The following CTNNA2 variants were observed in gnomAD, a reference collection of about 807,000 sequenced individuals.
The protein encoded by CTNNA2 is catenin alpha 2.
Under a neutral mutation model 101.0 loss-of-function variants are expected in CTNNA2, and 42 were observed. The ratio of observed to expected loss-of-function variants is 0.42; its 90% CI spans 0.32 to 0.54. The LOEUF (loss-of-function observed/expected upper bound fraction) is 0.54, where lower values mean the gene tolerates loss of function less well. Ranked by LOEUF, CTNNA2 falls within the 20% of genes least tolerant of loss-of-function variation. The pLI is 0.14. For synonymous variants in CTNNA2, 450 were observed against 456.4 expected (o/e 0.99, Z 0.18); for missense variants, 871 against 1,223.1 (o/e 0.71, Z 4.29).
chr2:80,064,852 T>G (rs1697863432), intron 7 of CTNNA2, among the ~76,000 whole-genome samples: 1 of 152,168 alleles, frequency 6.6e-6, no homozygotes, highest in Admixed American at 6.5e-5. Flanking sequence ...TACCTCTTAA[T>G]GGAAAGCATG....
chr2:80,347,133 C>T (rs1041622936), intron 7 of CTNNA2, among the ~76,000 whole-genome samples: 2 of 152,182 alleles, frequency 1.3e-5, no homozygotes, highest in East Asian at 1.9e-4. Context: ...TAGCAATCAG[C>T]GAGCACCGCA....
chr2:79,865,653 C>T (rs1363716462), intron 4 of CTNNA2, among the ~76,000 whole-genome samples: 1 of 152,170 alleles, frequency 6.6e-6, no homozygotes, highest in Non-Finnish European at 1.5e-5. Flanking sequence ...CCCCAGATGC[C>T]GACCTTATGG....
chr2:80,206,466 C>T (rs1707539853), intron 7 of CTNNA2, among the ~76,000 whole-genome samples: 1 of 152,188 alleles, frequency 6.6e-6, no homozygotes, highest in African/African-American at 2.4e-5. Flanking sequence ...CACATCACAT[C>T]CAATGTTCTT....
chr2:80,432,662 G>A (rs1011458939), intron 9 of CTNNA2, among the ~76,000 whole-genome samples: 1 of 152,094 alleles, frequency 6.6e-6, no homozygotes, highest in Admixed American at 6.5e-5. Context: ...TTTCTTGGAA[G>A]ATCAAAAGAA....
intron 7 of CTNNA2, among the ~76,000 whole-genome samples, chr2:80,306,766 T>G (rs1677066176): frequency 6.6e-6 from 1 of 150,816 alleles, no homozygotes. Flanking sequence ...GTACTGTGAG[T>G]ACACACCACC....
intron 2 of CTNNA2, among the ~76,000 whole-genome samples, chr2:79,274,027 A>G (rs1290102333): frequency 1.3e-5 from 2 of 152,074 alleles, no homozygotes; most frequent in Admixed American, 6.6e-5. Flanking sequence ...ATTTCTCTGC[A>G]TAAATATTTT....
chr2:79,886,074 A>G lies in CTNNA2; in HGVS notation c.852+11732A>G, dbSNP rs148394800. Among the ~76,000 whole-genome samples the G allele has an allele frequency of 2.9e-4, 44 of 152,316 alleles. No individual in the cohort carries two copies. In the East Asian group the frequency reaches 8.1e-3, roughly 28 times the overall value. On this transcript the variant is annotated intron_variant, in intron 6 of 18. Transcript: ENST00000402739. ...GAAAATACTTAGTAAACAGCTATAG[A>G]CGCTGCAATGCATAAATGCTGCTGC...
At chr2:79,911,676 T>C (rs1685812218) in intron 7 of CTNNA2, among the ~76,000 whole-genome samples, 1 of 152,258 alleles carries the variant, frequency 6.6e-6, no homozygotes, top group Non-Finnish European at 1.5e-5. Flanking sequence ...TTTGACATGG[T>C]TACAGACAAT....
At chr2:79,691,121 A>G (rs1684266284) in intron 2 of CTNNA2, among the ~76,000 whole-genome samples, 1 of 152,120 alleles carries the variant, frequency 6.6e-6, no homozygotes, top group African/African-American at 2.4e-5. Context: ...ACTCTGTAAA[A>G]CTATAATAAC....
At chr2:80,243,496 G>A (rs935855145) in intron 7 of CTNNA2, among the ~76,000 whole-genome samples, 1 of 152,084 alleles carries the variant, frequency 6.6e-6, no homozygotes, top group Non-Finnish European at 1.5e-5. Flanking sequence ...GTATTTTCTA[G>A]ACTTTTATAT....
intron 9 of CTNNA2, among the ~76,000 whole-genome samples, chr2:80,447,444 G>C (rs1683163688): frequency 6.6e-6 from 1 of 152,132 alleles, no homozygotes; most frequent in Non-Finnish European, 1.5e-5. Flanking sequence ...CTTGGTATGG[G>C]GTTGTTGTGT....
chr2:79,770,009 C>T (rs1673458422), intron 3 of CTNNA2, among the ~76,000 whole-genome samples: 1 of 152,104 alleles, frequency 6.6e-6, no homozygotes, highest in South Asian at 2.1e-4. Context: ...TAAATTGTTA[C>T]CTTACTGGCA....
chr2:80,323,958 CTT>C, intron 7 of CTNNA2, among the ~76,000 whole-genome samples: 1 of 152,140 alleles, frequency 6.6e-6, no homozygotes, highest in East Asian at 1.9e-4. Flanking sequence ...TTAATGACCT[CTT>C]TAAGCTTCCC....
At chr2:79,468,389 G>GA (rs1670961880) in intron 4 of CTNNA2, among the ~76,000 whole-genome samples, 2 of 152,116 alleles carry the variant, frequency 1.3e-5, no homozygotes, top group Non-Finnish European at 2.9e-5. Context: ...CAAGCCCTTA[G>GA]AGACCAACAA....
intron 3 of CTNNA2, among the ~76,000 whole-genome samples, chr2:79,806,841 C>A (rs917088045): frequency 4.6e-5 from 7 of 151,966 alleles, no homozygotes; most frequent in African/African-American, 1.7e-4. Flanking sequence ...CCCCACGTGC[C>A]TCATATAATA....
intron 7 of CTNNA2, among the ~76,000 whole-genome samples, chr2:80,040,236 A>C (rs1412676429): frequency 6.6e-6 from 1 of 152,226 alleles, no homozygotes; most frequent in Non-Finnish European, 1.5e-5. Flanking sequence ...ATTTATAAGC[A>C]ATATCACCTC....
At chr2:79,683,727 TGA>T (rs549478518) in intron 2 of CTNNA2, among the ~76,000 whole-genome samples, 1 of 124,660 alleles carries the variant, frequency 8.0e-6, no homozygotes. Flanking sequence ...CACACAATTG[TGA>T]GAGAGTTCCC....
At chr2:80,333,840 C>T (rs1389454144) in intron 7 of CTNNA2, among the ~76,000 whole-genome samples, 2 of 152,194 alleles carry the variant, frequency 1.3e-5, no homozygotes, top group Non-Finnish European at 2.9e-5. Flanking sequence ...CCAGTCTGGT[C>T]TCAAACTCCT....
chr2:79,541,363 C>T (rs1389112549), intron 1 of CTNNA2, among the ~76,000 whole-genome samples: 1 of 149,480 alleles, frequency 6.7e-6, no homozygotes, highest in Non-Finnish European at 1.5e-5. Flanking sequence ...ACAATGTTTA[C>T]ACATATGTAT....
Sources: allele counts gnomAD v4.1 joint callset (sites outside exome capture counted in the v4.1 genomes callset), GRCh38; gene constraint gnomAD v4.1.1; transcripts MANE v1.5; gene names NCBI Gene and HGNC (gene_info 2026-07-23, HGNC 2026-07-21).